Variants in ATG10 observed in about 807,000 individuals in gnomAD.
ATG10 encodes the protein ubiquitin-like-conjugating enzyme ATG10.
ATG10 carries 30 observed loss-of-function variants against 32.1 expected under a neutral mutation model. That is an observed-to-expected ratio of 0.94 (90% CI 0.70 to 1.27). The LOEUF is 1.27. Among genes scored for constraint, ATG10 ranks in the 50% most tolerant of loss-of-function variants. The probability of loss-of-function intolerance (pLI) is 0.00; values close to 1 mark genes in which losing one functional copy is unlikely to be tolerated. For synonymous variants in ATG10, 87 were observed against 91.5 expected, an observed-to-expected ratio of 0.95 and a Z score of 0.28; for missense variants, 233 against 262.3, an observed-to-expected ratio of 0.89 and a Z score of 0.77.
intron 3 of ATG10, among the ~76,000 whole-genome samples, chr5:82,126,169 GT>G (rs1367348192): frequency 2.1e-5 from 2 of 94,978 alleles, no homozygotes; most frequent in African/African-American, 8.5e-5. Flanking sequence ...AGCTGAAGGA[GT>G]TTTTGGGCTG....
chr5:82,000,555 T>A (rs1031728344), intron 2 of ATG10, among the ~76,000 whole-genome samples: 3 of 152,222 alleles, frequency 2.0e-5, no homozygotes, highest in Non-Finnish European at 4.4e-5. Context: ...TATGATTCTA[T>A]ACCAAGAAAA....
chr5:82,042,471 T>C (rs951492541), intron 2 of ATG10, among the ~76,000 whole-genome samples: 2 of 152,176 alleles, frequency 1.3e-5, no homozygotes, highest in African/African-American at 4.8e-5. Context: ...TCTCATGTCC[T>C]TCTCACATTG....
chr5:82,077,835 A>G (rs776141219), intron 3 of ATG10, among the ~76,000 whole-genome samples: 2 of 152,138 alleles, frequency 1.3e-5, no homozygotes, highest in Admixed American at 6.6e-5. Flanking sequence ...TGGGGTATAT[A>G]TTCTTTATAC....
chr5:82,198,759 T>C (rs982077651), intron 5 of ATG10, among the ~76,000 whole-genome samples: 1 of 152,234 alleles, frequency 6.6e-6, no homozygotes, highest in Non-Finnish European at 1.5e-5. Flanking sequence ...TTGGGGGACT[T>C]GCCTGAAACT....
At chr5:82,059,946 TAAAA>T (rs57938376) in intron 3 of ATG10, among the ~76,000 whole-genome samples, 1,796 of 152,092 alleles carry the variant, frequency 0.012, 25 homozygotes, top group African/African-American at 0.042. Flanking sequence ...TATATTAACT[TAAAA>T]AAAGTTTTAA....
chr5:82,062,674 TC>T (rs1467213059), intron 3 of ATG10, among the ~76,000 whole-genome samples: 5 of 152,310 alleles, frequency 3.3e-5, no homozygotes, highest in Admixed American at 3.3e-4. Context: ...ATGTAACACT[TC>T]CTTTCTTTCC....
At chr5:82,221,149 G>A (rs915811643) in intron 5 of ATG10, among the ~76,000 whole-genome samples, 3 of 151,992 alleles carry the variant, frequency 2.0e-5, no homozygotes, top group Admixed American at 6.6e-5. Context: ...CACCTTTCCC[G>A]CCTGGCCTAG....
At chr5:82,240,427 T>C (rs550719443) in intron 5 of ATG10, among the ~76,000 whole-genome samples, 1 of 152,182 alleles carries the variant, frequency 6.6e-6, no homozygotes, top group South Asian at 2.1e-4. Context: ...GAAAGACAAA[T>C]GTTGCATGTT....
At chr5:82,130,895 TCA>T (rs911266715) in intron 3 of ATG10, among the ~76,000 whole-genome samples, 9 of 152,116 alleles carry the variant, frequency 5.9e-5, no homozygotes. Flanking sequence ...TAGAAAACAT[TCA>T]CAGTCAATCA....
At chr5:81,984,416 GGGGAGAGGGAGA>G (rs561830298) in intron 1 of ATG10, among the ~76,000 whole-genome samples, 8 of 152,324 alleles carry the variant, frequency 5.3e-5, no homozygotes, top group Admixed American at 2.0e-4. Context: ...GGGAGACCGT[GGGGAGAGGGAGA>G]GGGAGAGGGA....
intron 3 of ATG10, among the ~76,000 whole-genome samples, chr5:82,121,402 A>G (rs79498161): frequency 0.052 from 7,986 of 152,280 alleles, 277 homozygotes; most frequent in South Asian, 0.12. Flanking sequence ...CACATTGCCT[A>G]CAAGCAGGGA....
intron 2 of ATG10, among the ~76,000 whole-genome samples, chr5:82,047,017 G>A (rs1339836778): frequency 6.7e-6 from 1 of 150,104 alleles, no homozygotes; most frequent in African/African-American, 2.5e-5. Context: ...TACAGTATTG[G>A]AAAAGCAAAA....
At chr5:82,131,573 T>G (rs1273081426) in intron 3 of ATG10, among the ~76,000 whole-genome samples, 1 of 152,054 alleles carries the variant, frequency 6.6e-6, no homozygotes, top group East Asian at 1.9e-4. Flanking sequence ...TACTTTGGAA[T>G]ATTATACAAG....
At chr5:82,052,800 T>G (rs376944979) in intron 2 of ATG10, among the ~76,000 whole-genome samples, 12 of 152,324 alleles carry the variant, frequency 7.9e-5, no homozygotes, top group East Asian at 5.8e-4. Context: ...CATTACTCAA[T>G]ATTTACAGAA....
At chr5:82,231,018 A>G (rs1020104231) in intron 5 of ATG10, among the ~76,000 whole-genome samples, 12 of 152,200 alleles carry the variant, frequency 7.9e-5, no homozygotes, top group Admixed American at 3.3e-4. Flanking sequence ...AAGAGGCCCT[A>G]GTCTGAAGCG....
intron 2 of ATG10, among the ~76,000 whole-genome samples, chr5:82,042,158 C>T (rs974037544): frequency 6.6e-6 from 1 of 152,040 alleles, no homozygotes; most frequent in Non-Finnish European, 1.5e-5. Context: ...GCAGGCTTAT[C>T]AAGAAGCATG....
chr5:82,182,713 G>A (rs1217780040), intron 5 of ATG10, among the ~76,000 whole-genome samples: 6 of 152,118 alleles, frequency 3.9e-5, no homozygotes, highest in Non-Finnish European at 8.8e-5. Context: ...AGGTGATAGG[G>A]AGTGTGAATG....
At chr5:82,225,891 T>G (rs1329104054) in intron 5 of ATG10, among the ~76,000 whole-genome samples, 1 of 152,228 alleles carries the variant, frequency 6.6e-6, no homozygotes, top group Non-Finnish European at 1.5e-5. Context: ...TGATACTAAC[T>G]TCTAGCTATG....
At chr5:82,186,904 C>T (rs1173503756) in intron 5 of ATG10, among the ~76,000 whole-genome samples, 4 of 152,050 alleles carry the variant, frequency 2.6e-5, no homozygotes, top group Non-Finnish European at 5.9e-5. Flanking sequence ...TTTATCCATT[C>T]GGAAATGTTT....
Sources: gnomAD v4.1 joint callset for allele counts (sites outside exome capture counted in the v4.1 genomes callset) on GRCh38, gnomAD v4.1.1 for gene constraint, MANE v1.5 for transcripts, NCBI Gene and HGNC (gene_info 2026-07-23, HGNC 2026-07-21) for gene names.